COL12A1: variants seen among roughly 807,000 people sequenced by gnomAD.
COL12A1 encodes the protein collagen alpha-1(XII) chain.
A neutral mutation model predicts 349.7 loss-of-function variants in COL12A1; 114 were observed. The observed-to-expected ratio is 0.33, with a 90% CI of 0.28 to 0.38. The LOEUF is 0.38. COL12A1 is among the 10% of genes least tolerant of loss of function. COL12A1 has a pLI of 1.00. For missense variants in COL12A1, 3,284 were observed against 3,756.9 expected, an observed-to-expected ratio of 0.87 and a Z score of 3.29; for synonymous variants, 1,369 against 1,329.0, an observed-to-expected ratio of 1.03 and a Z score of -0.66.
chr6:75,171,171 G>A (rs1437532248), intron 13 of COL12A1, among the ~76,000 whole-genome samples: 1 of 152,256 alleles, frequency 6.6e-6, no homozygotes, highest in East Asian at 1.9e-4. Context: ...ATATACAGTA[G>A]GGTTGTTGTA....
chr6:75,110,562 T>A (rs1768788136), intron 51 of COL12A1, among the ~76,000 whole-genome samples: 2 of 151,944 alleles, frequency 1.3e-5, no homozygotes, highest in South Asian at 2.1e-4. Flanking sequence ...ATAGGGACCC[T>A]CTTGTCACTC....
chr6:75,142,897 T>A (rs951647522), intron 26 of COL12A1, among the ~76,000 whole-genome samples: 1 of 152,240 alleles, frequency 6.6e-6, no homozygotes, highest in African/African-American at 2.4e-5. Flanking sequence ...TGCTGCAACC[T>A]CTTGCTACCT....
At chr6:75,146,057 A>G (rs201825247) in intron 24 of COL12A1, 45 bp downstream of exon 24, 3 of 1,529,134 alleles carry the variant, frequency 2.0e-6, no homozygotes, top group South Asian at 2.6e-5. Context: ...ATAAAGCTAT[A>G]AAGTCTTGGG....
intron 1 of COL12A1, among the ~76,000 whole-genome samples, chr6:75,203,851 A>C (rs997022300): frequency 7.2e-5 from 11 of 152,350 alleles, no homozygotes; most frequent in African/African-American, 2.2e-4. Flanking sequence ...TCTGAAGTAC[A>C]TAATTTATTG....
chr6:75,180,933 T>A lies in COL12A1; in HGVS notation c.2164+6A>T, dbSNP rs746467248. ...CTGAATAACAGTGGCAGAAACCCCA[T>A]CACACCTTCTTCGGTGGTCTCCTCT... is the stretch of plus-strand genomic sequence containing the variant. On this transcript the variant is annotated splice_donor_region_variant and intron_variant, in intron 11 of 65. Coordinates refer to ENST00000322507, the MANE Select transcript of COL12A1 (RefSeq NM_004370.6). 7 of 1,607,318 alleles carry A rather than the reference T, an allele frequency of 4.4e-6. No individual in the cohort carries two copies. In the African/African-American group the frequency reaches 9.4e-5, roughly 22 times the overall value.
At chr6:75,137,330 A>G (rs1766666735) in intron 31 of COL12A1, 107 bp downstream of exon 31, 2 of 1,037,458 alleles carry the variant, frequency 1.9e-6, no homozygotes, top group South Asian at 3.4e-5. Flanking sequence ...GATAAATCTT[A>G]ATATCCCTTA....
At chr6:75,108,665 T>C (rs1316499474) in intron 52 of COL12A1, among the ~76,000 whole-genome samples, 1 of 152,184 alleles carries the variant, frequency 6.6e-6, no homozygotes, top group African/African-American at 2.4e-5. Flanking sequence ...CAAATCTGTA[T>C]TAACAATTAT....
chr6:75,202,297 C>G (rs907760688), intron 2 of COL12A1, among the ~76,000 whole-genome samples: 1 of 152,200 alleles, frequency 6.6e-6, no homozygotes, highest in Non-Finnish European at 1.5e-5. Context: ...GTCGCAGCCC[C>G]GAGCCAGGTG....
chr6:75,177,610 C>A, intron 12 of COL12A1, 53 bp downstream of exon 12: 1 of 1,606,240 alleles, frequency 6.2e-7, no homozygotes, highest in South Asian at 1.1e-5. Context: ...CCCAATTTTC[C>A]CCTCTAGTCT....
chr6:75,106,110 G>T (rs560976766), intron 53 of COL12A1, among the ~76,000 whole-genome samples: 1 of 152,270 alleles, frequency 6.6e-6, no homozygotes, highest in East Asian at 1.9e-4. Flanking sequence ...GGCTTGTTTT[G>T]TAAAATGCTG....
intron 50 of COL12A1, 143 bp from the exon 51 acceptor site, chr6:75,113,456 G>T: frequency 2.2e-6 from 2 of 906,704 alleles, no homozygotes; most frequent in Non-Finnish European, 3.1e-6. Flanking sequence ...GATATTTACT[G>T]ATGTGTTATA....
chr6:75,115,916 T>G lies in COL12A1; in HGVS notation c.7565A>C (p.Lys2522Thr), dbSNP rs1260109085. Residue 2522 changes from lysine (K) to threonine (T), a missense_variant, in exon 49 of 66, where the codon AAA becomes ACA. Coordinates refer to ENST00000322507, the MANE Select transcript of COL12A1 (RefSeq NM_004370.6). ...YLDGYTSPGF[K>T]MLEAYNLTEK... ...TGTCAGGTTGTATGCTTCAAGCATT[T>G]TAAAACCTTTACATCAGAAAAGAAA... 1 of 1,612,650 alleles carries G rather than the reference T, an allele frequency of 6.2e-7. No homozygotes were observed. Among genetic ancestry groups the G allele is most frequent in the African/African-American group, 1.3e-5 (1 of 74,808 alleles).
At chr6:75,197,282 A>G (rs1263942973) in intron 2 of COL12A1, among the ~76,000 whole-genome samples, 1 of 151,382 alleles carries the variant, frequency 6.6e-6, no homozygotes, top group East Asian at 1.9e-4. Context: ...TCCCTAAGAC[A>G]ATGCTGATGC....
At chr6:75,166,119 G>A (rs1768294924) in intron 13 of COL12A1, among the ~76,000 whole-genome samples, 1 of 152,022 alleles carries the variant, frequency 6.6e-6, no homozygotes, top group African/African-American at 2.4e-5. Context: ...CTAAGTCCCA[G>A]AATTTTATCA....
chr6:75,188,400 A>T lies in COL12A1; in HGVS notation c.959T>A (p.Val320Asp). The change falls in exon 8 of 66, where the codon GTT (valine) becomes GAT (aspartate). Residue 320 changes from valine (V) to aspartate (D), a missense_variant. Physicochemically the swap from Val to Asp is radical, Grantham distance 152 (BLOSUM62 -3). Coordinates refer to ENST00000322507, the MANE Select transcript of COL12A1 (RefSeq NM_004370.6). ...AACCAATTCACCAAGTTGTTCATCAACACCTGAGCACACCTGGGAGATGAT... is the reference window on the plus strand; with the variant it reads ...AACCAATTCACCAAGTTGTTCATCATCACCTGAGCACACCTGGGAGATGAT... ...NEIISQVCSG[V>D]DEQLGELVSG... The T allele has an allele frequency of 6.2e-7, 1 of 1,613,382 alleles. No homozygotes were observed. Among genetic ancestry groups the T allele is most frequent in the Non-Finnish European group, 8.5e-7 (1 of 1,179,618 alleles).
chr6:75,135,900 T>C (rs1301004736), intron 31 of COL12A1, among the ~76,000 whole-genome samples: 2 of 152,176 alleles, frequency 1.3e-5, no homozygotes. Flanking sequence ...CTTTTATGAG[T>C]AAGCAGAGGG....
At chr6:75,089,730 A>G (rs141944604) in intron 63 of COL12A1, among the ~76,000 whole-genome samples, 6 of 152,308 alleles carry the variant, frequency 3.9e-5, no homozygotes, top group African/African-American at 1.4e-4. Flanking sequence ...GACCCTGAAT[A>G]AAGGAACCAA....
chr6:75,171,463 T>A (rs773192774), intron 13 of COL12A1, among the ~76,000 whole-genome samples: 20 of 152,218 alleles, frequency 1.3e-4, no homozygotes, highest in Non-Finnish European at 2.4e-4. Flanking sequence ...TAGACCACAC[T>A]ACACATTTTT....
At chr6:75,108,316 G>A in intron 52 of COL12A1, among the ~76,000 whole-genome samples, 1 of 151,680 alleles carries the variant, frequency 6.6e-6, no homozygotes, top group African/African-American at 2.4e-5. Context: ...TTGAACTCCT[G>A]GCCTTAAGTA....
Sources: allele counts gnomAD v4.1 joint callset (sites outside exome capture counted in the v4.1 genomes callset), GRCh38; gene constraint gnomAD v4.1.1; transcripts MANE v1.5; gene names NCBI Gene and HGNC (gene_info 2026-07-23, HGNC 2026-07-21).